The following DMD variants were observed in gnomAD, a reference collection of about 807,000 sequenced individuals.
DMD encodes the protein mutant dystrophin.
In DMD, 63 loss-of-function variants were observed where a neutral mutation model predicts 330.1. That is an observed-to-expected ratio of 0.19 (90% confidence interval 0.16 to 0.24). The LOEUF (loss-of-function observed/expected upper bound fraction) is 0.24, where lower values mean the gene tolerates loss of function less well. DMD is among the 10% of genes least tolerant of loss of function. DMD has a pLI of 1.00. For synonymous variants in DMD, 1,223 were observed against 959.8 expected (o/e 1.27, Z -5.07); for missense variants, 3,344 against 2,684.1 (o/e 1.25, Z -5.43).
At chrX:32,783,330 C>CATATATATACACATATATGGT (rs2075048140) in intron 7 of DMD, among the ~76,000 whole-genome samples, 1 of 101,190 alleles carries the variant, frequency 9.9e-6, no homozygotes, top group Non-Finnish European at 2.0e-5. Context: ...TATATACACA[C>CATATATATACACATATATGGT]ATATATATAC....
Position 31,134,121 on chromosome X carries a change from G to A in DMD, c.10995C>T (p.Asn3665=), listed in dbSNP as rs1360899530. 4 of 1,210,875 alleles carry A rather than the reference G, an allele frequency of 3.3e-6. No individual in the cohort carries two copies. Among genetic ancestry groups the A allele is most frequent in the South Asian group, 1.8e-5 (1 of 56,864 alleles). ...GLEEVMEQLN[N]SFPSSRGRNT... Reference sequence around the variant, plus strand: ...GCTTACCTCTTGAACTAGGGAAGGAGTTGTTGAGTTGCTCCATCACCTCCT... The same window carrying A: ...GCTTACCTCTTGAACTAGGGAAGGAATTGTTGAGTTGCTCCATCACCTCCT... Residue 3665 remains asparagine (N), a synonymous_variant, in exon 77 of 79, where the codon AAC becomes AAT. Transcript: ENST00000357033.
chrX:32,196,017 G>T (rs749225890), intron 44 of DMD, among the ~76,000 whole-genome samples: 1 of 111,320 alleles, frequency 9.0e-6, no homozygotes, highest in Non-Finnish European at 1.9e-5. Context: ...GTGGTTAGGG[G>T]GTTTATTCTG....
At chrX:31,296,502 C>T (rs2054197371) in intron 62 of DMD, among the ~76,000 whole-genome samples, 1 of 111,638 alleles carries the variant, frequency 9.0e-6, no homozygotes, top group South Asian at 3.8e-4. Context: ...AAAGATTCTC[C>T]TGAGGAAACG....
At chrX:31,162,287 C>G (rs998406174) in intron 74 of DMD, among the ~76,000 whole-genome samples, 5 of 93,334 alleles carry the variant, frequency 5.4e-5, no homozygotes, top group Non-Finnish European at 8.3e-5. Flanking sequence ...TGACCATAAT[C>G]AATTCTACTG....
chrX:33,030,109 T>A (rs1267782032), intron 1 of DMD, among the ~76,000 whole-genome samples: 1 of 111,463 alleles, frequency 9.0e-6, no homozygotes, highest in Non-Finnish European at 1.9e-5. Context: ...TTGTGAAGAC[T>A]AAATGTGACA....
intron 52 of DMD, among the ~76,000 whole-genome samples, chrX:31,723,727 C>G (rs2085777089): frequency 9.2e-6 from 1 of 108,649 alleles, no homozygotes; most frequent in Non-Finnish European, 1.9e-5. Flanking sequence ...ATGTATTCTC[C>G]TGTCATCAAT....
intron 1 of DMD, among the ~76,000 whole-genome samples, chrX:33,270,911 G>A (rs1285449600): frequency 4.5e-5 from 5 of 110,752 alleles, no homozygotes; most frequent in African/African-American, 1.3e-4. Context: ...TATTTTTATT[G>A]CTTTAAAAAT....
At chrX:33,070,673 C>CTATATA (rs59422325) in intron 1 of DMD, among the ~76,000 whole-genome samples, 7 of 35,637 alleles carry the variant, frequency 2.0e-4, no homozygotes, top group African/African-American at 6.4e-4. Flanking sequence ...CTCTCTCTCT[C>CTATATA]TATATATATA....
At chrX:32,096,642 C>T (rs1217872371) in intron 44 of DMD, among the ~76,000 whole-genome samples, 1 of 110,585 alleles carries the variant, frequency 9.0e-6, no homozygotes, top group African/African-American at 3.3e-5. Context: ...AGGCTCTTAC[C>T]ATGTTAGAAA....
At chrX:31,124,273 T>C (rs2033292138) in intron 78 of DMD, among the ~76,000 whole-genome samples, 1 of 112,190 alleles carries the variant, frequency 8.9e-6, no homozygotes, top group South Asian at 3.7e-4. Flanking sequence ...ATACCTGCTT[T>C]ACCAGAATAA....
chrX:33,118,997 T>C (rs1436461459), intron 1 of DMD, among the ~76,000 whole-genome samples: 1 of 111,975 alleles, frequency 8.9e-6, no homozygotes, highest in Non-Finnish European at 1.9e-5. Flanking sequence ...CCTACTAAAC[T>C]GCTCATTATC....
intron 68 of DMD, among the ~76,000 whole-genome samples, chrX:31,181,921 A>T (rs1243204651): frequency 1.8e-5 from 2 of 112,265 alleles, no homozygotes; most frequent in Non-Finnish European, 3.8e-5. Flanking sequence ...ATTTAAGGAC[A>T]TCGCAGTTTC....
At chrX:31,354,478 T>TATA (rs1301936735) in intron 60 of DMD, among the ~76,000 whole-genome samples, 2 of 111,520 alleles carry the variant, frequency 1.8e-5, no homozygotes, top group African/African-American at 6.5e-5. Flanking sequence ...CAATTTTGCC[T>TATA]ATAATACTAG....
intron 1 of DMD, among the ~76,000 whole-genome samples, chrX:33,114,527 G>A (rs1055828871): frequency 9.0e-6 from 1 of 111,353 alleles, no homozygotes; most frequent in Admixed American, 9.7e-5. Flanking sequence ...AACCTCTAGT[G>A]CTCATTATTT....
chrX:31,147,507 G>A lies in DMD; in HGVS notation c.10565C>T (p.Ala3522Val), dbSNP rs1444515702. 12 of 1,185,262 alleles carry A rather than the reference G, an allele frequency of 1.0e-5. No homozygotes were observed. Among genetic ancestry groups the A allele is most frequent in the Non-Finnish European group, 1.3e-5 (11 of 879,657 alleles). ...CTGCTGCTTTAGACGGTCATATTCT[G>A]CTTGCAGATTCCTATTGGCATCAAA... ...DLEEENRNLQAEYDRLKQQHE... is the reference protein window; with the variant it reads ...DLEEENRNLQVEYDRLKQQHE... The change falls in exon 75 of 79, where the codon GCA (alanine) becomes GTA (valine). Residue 3522 changes from alanine to valine, a missense_variant. Transcript: ENST00000357033.
intron 1 of DMD, among the ~76,000 whole-genome samples, chrX:33,129,325 CTTTTTTTTTTTT>C (rs58505662): frequency 0.083 from 2,557 of 30,657 alleles, 76 homozygotes; most frequent in Middle Eastern, 0.19. Flanking sequence ...TTAAGGTTTG[CTTTTTTTTTTTT>C]TTTTTTTTTT....
intron 54 of DMD, among the ~76,000 whole-genome samples, chrX:31,634,499 C>A (rs2079298016): frequency 9.0e-6 from 1 of 111,504 alleles, no homozygotes; most frequent in African/African-American, 3.2e-5. Flanking sequence ...CAAAGATAAA[C>A]CACAGCTTTG....
intron 5 of DMD, among the ~76,000 whole-genome samples, chrX:32,820,682 T>C (rs1040497134): frequency 4.5e-5 from 5 of 111,489 alleles, no homozygotes; most frequent in African/African-American, 1.6e-4. Flanking sequence ...TGTCAAAACT[T>C]ACATCTGTCT....
At chrX:31,862,772 G>A (rs751309541) in intron 48 of DMD, among the ~76,000 whole-genome samples, 2 of 112,420 alleles carry the variant, frequency 1.8e-5, no homozygotes, top group South Asian at 7.4e-4. Context: ...GAAAGCTTAA[G>A]GAGATGAGTA....
Sources: allele counts gnomAD v4.1 joint callset (sites outside exome capture counted in the v4.1 genomes callset), GRCh38; gene constraint gnomAD v4.1.1; transcripts MANE v1.5; gene names NCBI Gene and HGNC (gene_info 2026-07-23, HGNC 2026-07-21).